Variants in KRT81 observed in about 807,000 individuals in gnomAD.
The protein encoded by KRT81 is keratin 81.
Under a neutral mutation model 35.8 loss-of-function variants are expected in KRT81, and 35 were observed. That is an observed-to-expected ratio of 0.98 (90% CI 0.75 to 1.30). The LOEUF (loss-of-function observed/expected upper bound fraction) is 1.30, where lower values mean the gene tolerates loss of function less well. KRT81 is among the 50% of genes most tolerant of loss of function. The pLI is 0.00. For missense variants in KRT81, 531 were observed against 577.4 expected (o/e 0.92, Z 0.82); for synonymous variants, 249 against 251.2 (o/e 0.99, Z 0.08).
intron 8 of KRT81, 37 bp downstream of exon 8, chr12:52,286,754 T>G: frequency 6.2e-7 from 1 of 1,603,554 alleles, no homozygotes; most frequent in Non-Finnish European, 8.5e-7. Context: ...TCACAGGTAG[T>G]TAGTAAATCT....
rs1313224521 is a variant in KRT81 at position 52,291,115 on chromosome 12, G to A, written c.351C>T (p.Phe117=). The A allele has an allele frequency of 9.7e-6, 8 of 826,404 alleles. No homozygotes were observed. The East Asian group carries it at 2.0e-4, about 21-fold the overall frequency. 51.2% of individuals were successfully genotyped at this position (826,404 alleles called of 1,614,324 possible). A position where few individuals can be genotyped will look rare whatever the true frequency, so the allele number is the denominator to read the frequency against. The part of the protein sequence containing the change: ...KEQIKSLNSR[F]AAFIDKVRFL... Reference sequence around the variant, plus strand: ...CACCCACCTTGTCGATGAAGGCCGCGAACCTGCTGTTGAGGGACTTGATCT... The same window carrying A: ...CACCCACCTTGTCGATGAAGGCCGCAAACCTGCTGTTGAGGGACTTGATCT... The change falls in exon 1 of 9, where the codon TTC becomes TTT. Residue 117 remains phenylalanine, a synonymous_variant. Transcript: ENST00000327741.
rs140836779 is a variant in KRT81 at position 52,288,420 on chromosome 12, C to G, written c.676G>C (p.Glu226Gln). ...DCAYLRKSDL[E>Q]ANVEALIQEI... ...TGGATCAGGGCCTCCACGTTGGCCT[C>G]CAGGTCTGACTTGCGGAGGTAGGCG... The change falls in exon 4 of 9, where the codon GAG (glutamate) becomes CAG (glutamine). Residue 226 changes from glutamate to glutamine, a missense_variant. Around this residue, in one of 5 missense-constraint regions of KRT81, gnomAD observed 194 missense variants for 198.2 expected, o/e 0.98. Coordinates refer to ENST00000327741, the MANE Select transcript of KRT81 (RefSeq NM_002281.4). 2 of 1,614,174 alleles carry G rather than the reference C, an allele frequency of 1.2e-6. No individual in the cohort carries two copies. The highest frequency in any genetic ancestry group is 1.3e-5 in the African/African-American group (1 of 75,036).
In KRT81 at chr12:52,287,185, C is replaced by T; in HGVS notation, c.1164G>A (p.Glu388=). Residue 388 remains glutamate (E), a synonymous_variant, in exon 7 of 9, where the codon GAG becomes GAA. Coordinates refer to ENST00000327741, the MANE Select transcript of KRT81 (RefSeq NM_002281.4). ...AKQDMACLIR[E]YQEVMNSKLG... ...GCTTGGAGTTCATCACCTCCTGGTA[C>T]TCCCTGATCAGGCAGGCCATGTCCT... is the stretch of plus-strand genomic sequence containing the variant. 6.2e-7 allele frequency: 1 copy of T among 1,613,892 alleles called. No homozygotes were observed. The highest frequency in any genetic ancestry group is 2.2e-5 in the East Asian group (1 of 44,870).
intron 8 of KRT81, 82 bp downstream of exon 8, chr12:52,286,709 T>G (rs948415359): frequency 2.5e-4 from 357 of 1,451,376 alleles, no homozygotes; most frequent in Non-Finnish European, 3.3e-4. Context: ...ATATTCAATC[T>G]CAGTAACACT....
intron 8 of KRT81, 23 bp from the exon 9 acceptor site, chr12:52,286,516 C>T: frequency 6.5e-7 from 1 of 1,550,344 alleles, no homozygotes; most frequent in Non-Finnish European, 8.7e-7. Context: ...AAGGCTGAGT[C>T]AAAATTCTGA....
chr12:52,288,719 C>T (rs2121244982), intron 3 of KRT81, among the ~76,000 whole-genome samples: 1 of 152,184 alleles, frequency 6.6e-6, no homozygotes, highest in Non-Finnish European at 1.5e-5. Flanking sequence ...TCTCCTGCTC[C>T]AGGAAGCCTG....
chr12:52,287,608 A>G lies in KRT81; in HGVS notation c.1014T>C (p.Asn338=), dbSNP rs753093739. 10 of 1,613,764 alleles carry G rather than the reference A, an allele frequency of 6.2e-6. No homozygotes were observed. The highest frequency in any genetic ancestry group is 4.0e-5 in the African/African-American group (3 of 74,878). ...AGATGCCCCATACCTGGCACTTGGC[A>G]TTCTCCACCTCGGCCGTCAGCCTTT... The part of the protein sequence containing the change: ...MIQRLTAEVE[N]AKCQNSKLEA... The change falls in exon 6 of 9, where the codon AAT becomes AAC. Residue 338 remains asparagine, a synonymous_variant. Coordinates refer to ENST00000327741, the MANE Select transcript of KRT81 (RefSeq NM_002281.4).
Position 52,288,387 on chromosome 12 carries a change from C to T in KRT81, c.709G>A (p.Asp237Asn), listed in dbSNP as rs770828699. 46 of 1,614,034 alleles carry T rather than the reference C, an allele frequency of 2.9e-5. No individual in the cohort carries two copies. Among genetic ancestry groups the T allele is most frequent in the African/African-American group, 9.3e-5 (7 of 74,916 alleles). ...TCCTCATACAGCCGCCTCAGGAAGT[C>T]GATCTCCTGGATCAGGGCCTCCACG... Reference protein sequence around the residue: ...ANVEALIQEIDFLRRLYEEEI... With the variant: ...ANVEALIQEINFLRRLYEEEI... Residue 237 changes from aspartate (D) to asparagine (N), a missense_variant, in exon 4 of 9, where the codon GAC becomes AAC. By Grantham distance (23) the Asp-to-Asn change is conservative (BLOSUM62 1). Around this residue, in one of 5 missense-constraint regions of KRT81, gnomAD observed 194 missense variants for 198.2 expected, o/e 0.98. Transcript: ENST00000327741.
intron 2 of KRT81, among the ~76,000 whole-genome samples, chr12:52,289,522 TC>T (rs1938073622): frequency 3.5e-5 from 1 of 28,786 alleles, no homozygotes; most frequent in Admixed American, 3.4e-4. Flanking sequence ...CCAAAGGGGC[TC>T]TGAGGTCCCC....
chr12:52,288,190 C>A (rs1938022400), intron 4 of KRT81, 42 bp from the exon 5 acceptor site: 1 of 1,602,104 alleles, frequency 6.2e-7, no homozygotes, highest in Admixed American at 1.7e-5. Context: ...AGAATACAGC[C>A]CCACCCACCA....
chr12:52,287,859 C>A, intron 5 of KRT81, 125 bp downstream of exon 5: 1 of 1,601,410 alleles, frequency 6.2e-7, no homozygotes, highest in Non-Finnish European at 8.5e-7. Flanking sequence ...ACCCCAACCT[C>A]AGATTGGCAG....
chr12:52,289,023 A>G (rs1938060293), intron 3 of KRT81, among the ~76,000 whole-genome samples, 192 bp downstream of exon 3: 2 of 125,488 alleles, frequency 1.6e-5, no homozygotes, highest in South Asian at 6.2e-4. Flanking sequence ...GTGCTGGTAG[A>G]TATTCCCAAG....
chr12:52,288,210 T>C, intron 4 of KRT81, 62 bp from the exon 5 acceptor site: 1 of 1,592,916 alleles, frequency 6.3e-7, no homozygotes, highest in African/African-American at 1.3e-5. Context: ...ATGTCCTGAC[T>C]CCACCTCCTC....
rs1937914259 is a variant in KRT81 at position 52,285,934 on chromosome 12, AAC to A, written c.*319_*320del. 2 of 419,740 alleles carry A rather than the reference AAC, an allele frequency of 4.8e-6. No individual in the cohort carries two copies. Among genetic ancestry groups the A allele is most frequent in the South Asian group, 4.6e-5 (2 of 43,030 alleles). The allele number at this position is 419,740 out of a possible 1,614,324, so 26.0% of individuals were successfully genotyped here. A position where few individuals can be genotyped will look rare whatever the true frequency, so the allele number is the denominator to read the frequency against. ...CAGGTTGGCTACATTAATTTATTGA[AAC>A]ACAGATCAAGAGCAGAGGAGGAAGG... On this transcript the variant is annotated 3_prime_UTR_variant, in exon 9 of 9. Transcript: ENST00000327741.
chr12:52,286,401 T>A lies in KRT81; in HGVS notation c.1372A>T (p.Asn458Tyr), dbSNP rs1937935754. Residue 458 changes from asparagine (N) to tyrosine (Y), a missense_variant, in exon 9 of 9, where the codon AAC becomes TAC. By Grantham distance (143) the Asn-to-Tyr change is moderately radical. Coordinates refer to ENST00000327741, the MANE Select transcript of KRT81 (RefSeq NM_002281.4). ...CCGGTGCTCACCGCCACGTTCCCGTTGCACGGAGCGCTGCAGACACTGCCA... is the reference window on the plus strand; with the variant it reads ...CCGGTGCTCACCGCCACGTTCCCGTAGCACGGAGCGCTGCAGACACTGCCA... ...VTGSVCSAPC[N>Y]GNVAVSTGLC... The A allele has an allele frequency of 1.7e-5, 27 of 1,554,778 alleles. No homozygotes were observed. Among genetic ancestry groups the A allele is most frequent in the Non-Finnish European group, 2.3e-5 (27 of 1,149,002 alleles).
Position 52,286,293 on chromosome 12 carries a change from C to A in KRT81, c.1480G>T (p.Gly494Cys). Residue 494 changes from glycine (G) to cysteine (C), a missense_variant, in exon 9 of 9, where the codon GGT becomes TGT. This residue lies in a region of KRT81 where 150 missense variants were observed against 145.4 expected (regional missense o/e 1.03). Transcript: ENST00000327741. ...GVGSCGISSLGVGSCGSSCRK... is the reference protein window; with the variant it reads ...GVGSCGISSLCVGSCGSSCRK... The stretch of plus-strand genomic sequence containing the variant: ...CAGCTGCTGCCGCAAGACCCCACAC[C>A]CAGGGAGCTGATACCACAGGAGCCC... The A allele has an allele frequency of 6.4e-7, 1 of 1,554,444 alleles. No individual in the cohort carries two copies. Among genetic ancestry groups the A allele is most frequent in the Non-Finnish European group, 8.7e-7 (1 of 1,148,530 alleles).
intron 5 of KRT81, 84 bp from the exon 6 acceptor site, chr12:52,287,805 C>A (rs1374092580): frequency 4.0e-5 from 64 of 1,611,926 alleles, no homozygotes; most frequent in Non-Finnish European, 5.4e-5. Flanking sequence ...GCAGGTTGTA[C>A]AGTGCTCAGC....
At chr12:52,290,534 A>C (rs1248213081) in intron 1 of KRT81, among the ~76,000 whole-genome samples, 53 of 6,116 alleles carry the variant, frequency 8.7e-3, no homozygotes, top group Non-Finnish European at 8.7e-3. Context: ...GAGTTGAGTG[A>C]CCCCCCCCCC....
In KRT81 at chr12:52,288,062, G is replaced by A. The variant is rs1467602598; in HGVS notation, c.822C>T (p.Ile274=). The A allele has an allele frequency of 1.9e-6, 3 of 1,614,102 alleles. No homozygotes were observed. The highest frequency in any genetic ancestry group is 2.5e-6 in the Non-Finnish European group (3 of 1,180,050). Residue 274 remains isoleucine, a synonymous_variant, in exon 5 of 9, where the codon ATC becomes ATT. Transcript: ENST00000327741. ...CATACTGTGCCTTAATCTCGGCAAT[G>A]ATGCAGTCCATGTTCAGGTCCCGGC... ...DNSRDLNMDC[I]IAEIKAQYDD... is the part of the protein sequence containing the mutation.
Sources: gnomAD v4.1 joint callset for allele counts (sites outside exome capture counted in the v4.1 genomes callset) on GRCh38, gnomAD v4.1.1 for gene constraint, gnomAD v4.1.1 regional missense constraint, MANE v1.5 for transcripts, NCBI Gene and HGNC (gene_info 2026-07-23, HGNC 2026-07-21) for gene names.